The following PPP1R1C variants were observed in gnomAD, a reference collection of about 807,000 sequenced individuals.
PPP1R1C encodes protein phosphatase 1 regulatory subunit 1C.
PPP1R1C carries 15 observed loss-of-function variants against 17.4 expected under a neutral mutation model. That is an observed-to-expected ratio of 0.86 (90% CI 0.58 to 1.33). PPP1R1C has a LOEUF of 1.33. Ranked by LOEUF, PPP1R1C falls within the 40% of genes most tolerant of loss-of-function variation. The pLI is 0.00. For missense variants in PPP1R1C, 143 were observed against 130.0 expected, an observed-to-expected ratio of 1.10 and a Z score of -0.48; for synonymous variants, 35 against 43.1, an observed-to-expected ratio of 0.81 and a Z score of 0.73.
downstream of PPP1R1C, among the ~76,000 whole-genome samples, chr2:182,118,984 G>A (rs1348747275): frequency 7.3e-5 from 11 of 151,358 alleles, no homozygotes; most frequent in African/African-American, 1.7e-4. Flanking sequence ...TACATGTGCC[G>A]TGTTGGTGTG....
intron 2 of PPP1R1C, among the ~76,000 whole-genome samples, chr2:181,996,633 G>A (rs1685619591): frequency 6.6e-6 from 1 of 152,156 alleles, no homozygotes; most frequent in Non-Finnish European, 1.5e-5. Context: ...ATTACAATTT[G>A]ACCTTGGTAA....
intron 4 of PPP1R1C, among the ~76,000 whole-genome samples, chr2:182,069,130 T>G (rs908207014): frequency 1.3e-5 from 2 of 152,186 alleles, no homozygotes; most frequent in African/African-American, 2.4e-5. Flanking sequence ...TCATCACATT[T>G]TCCTTTCTAA....
intron 2 of PPP1R1C, among the ~76,000 whole-genome samples, chr2:182,051,668 A>G (rs1009863091): frequency 2.0e-5 from 3 of 152,088 alleles, no homozygotes; most frequent in African/African-American, 4.8e-5. Context: ...ATTAGACAAC[A>G]CTTCTTAATC....
chr2:181,994,295 G>C (rs905576106), intron 2 of PPP1R1C, among the ~76,000 whole-genome samples: 1 of 151,914 alleles, frequency 6.6e-6, no homozygotes, highest in African/African-American at 2.4e-5. Flanking sequence ...CCAACAGTAT[G>C]TAGAAAGAAA....
intron 1 of PPP1R1C, among the ~76,000 whole-genome samples, chr2:181,969,405 A>G (rs1291469515): frequency 6.6e-6 from 1 of 152,062 alleles, no homozygotes; most frequent in Non-Finnish European, 1.5e-5. Context: ...TTAGCACTTT[A>G]TATATGTCAC....
chr2:182,014,148 T>C (rs1472943542), intron 2 of PPP1R1C, among the ~76,000 whole-genome samples: 1 of 152,180 alleles, frequency 6.6e-6, no homozygotes, highest in Non-Finnish European at 1.5e-5. Context: ...GTGGTCTTTA[T>C]AGTCTAACCT....
At chr2:182,117,934 A>C (rs1461726330), downstream of PPP1R1C, 1 of 152,154 alleles carries the variant, frequency 6.6e-6, no homozygotes, top group East Asian at 1.9e-4. Flanking sequence ...TTCATTTTCT[A>C]AGCTGCAAGA....
chr2:181,988,718 A>G (rs1345629285), intron 2 of PPP1R1C, among the ~76,000 whole-genome samples: 1 of 152,210 alleles, frequency 6.6e-6, no homozygotes, highest in Non-Finnish European at 1.5e-5. Context: ...TATGTCTAAT[A>G]ATAGACTGTA....
chr2:181,972,278 A>G (rs1685023780), intron 1 of PPP1R1C, among the ~76,000 whole-genome samples: 1 of 152,236 alleles, frequency 6.6e-6, no homozygotes, highest in South Asian at 2.1e-4. Flanking sequence ...TATAAAGCTT[A>G]CTAAAGAATA....
chr2:181,996,294 A>G (rs1451430686), intron 2 of PPP1R1C, among the ~76,000 whole-genome samples: 1 of 152,124 alleles, frequency 6.6e-6, no homozygotes, highest in Non-Finnish European at 1.5e-5. Context: ...GGTGGAGGGA[A>G]AGGCATGTCC....
In PPP1R1C at chr2:182,064,142, C is replaced by G. The variant is rs530829906; in HGVS notation, c.241+351C>G. ...GTGTTGGCAGATGATTACTGTTTTT[C>G]TCTTGGCTAAAGCAAAGCAGAATAA... is the stretch of plus-strand genomic sequence containing the variant. On this transcript the variant is annotated intron_variant, in intron 4 of 4. Coordinates refer to ENST00000682840, the MANE Select transcript of PPP1R1C (RefSeq NM_001080545.3). The G allele has an allele frequency of 2.8e-5, 7 of 254,234 alleles. No individual in the cohort carries two copies. The South Asian group carries it at 5.2e-4, about 19-fold the overall frequency. The allele number at this position is 254,234 out of a possible 1,614,324, so 15.7% of individuals were successfully genotyped here.
At chr2:182,007,620 G>A (rs1030061069) in intron 2 of PPP1R1C, among the ~76,000 whole-genome samples, 10 of 152,298 alleles carry the variant, frequency 6.6e-5, no homozygotes, top group Non-Finnish European at 7.4e-5. Context: ...ACCTTAGTAA[G>A]GCAATTTGTC....
At position 182,014,452 on chromosome 2, in the gene PPP1R1C, G is replaced by A. The variant is rs530019147; in HGVS notation, c.142+26553G>A. ...TAGAACTCTGGGAGAAGTGATGCAG[G>A]CGTCGTGTGGCCACCACTGGGACTG... On this transcript the variant is annotated intron_variant, in intron 2 of 4. Coordinates refer to ENST00000682840, the MANE Select transcript of PPP1R1C (RefSeq NM_001080545.3). Among the ~76,000 whole-genome samples, 8 of 150,286 alleles carry A rather than the reference G, an allele frequency of 5.3e-5. No homozygotes were observed. In the South Asian group the frequency reaches 1.7e-3, roughly 32 times the overall value.
intron 2 of PPP1R1C, among the ~76,000 whole-genome samples, chr2:182,059,667 T>G (rs1041436225): frequency 6.6e-6 from 1 of 152,098 alleles, no homozygotes; most frequent in African/African-American, 2.4e-5. Flanking sequence ...CTGAATTTTT[T>G]TAATCCTTGC....
At chr2:181,963,400 G>C (rs1684844568) in intron 1 of PPP1R1C, among the ~76,000 whole-genome samples, 2 of 152,174 alleles carry the variant, frequency 1.3e-5, no homozygotes, top group African/African-American at 2.4e-5. Flanking sequence ...CAGCACTTTG[G>C]GGGGCCGAAG....
chr2:182,085,634 C>CT (rs1688606344), intron 4 of PPP1R1C, among the ~76,000 whole-genome samples: 2 of 152,096 alleles, frequency 1.3e-5, no homozygotes, highest in Admixed American at 6.5e-5. Flanking sequence ...AAAACAAACC[C>CT]TAAAGAATTT....
intron 1 of PPP1R1C, among the ~76,000 whole-genome samples, chr2:181,956,047 C>T (rs1385317441): frequency 6.6e-6 from 1 of 152,144 alleles, no homozygotes; most frequent in Non-Finnish European, 1.5e-5. Context: ...CCCCACCTCC[C>T]CGCCGCCACC....
intron 2 of PPP1R1C, among the ~76,000 whole-genome samples, chr2:182,008,219 A>T (rs1685987868): frequency 6.6e-6 from 1 of 152,210 alleles, no homozygotes; most frequent in Non-Finnish European, 1.5e-5. Flanking sequence ...GGTCATTGCC[A>T]ATGCCTTTGG....
chr2:182,053,146 C>G (rs1036989729), intron 2 of PPP1R1C, among the ~76,000 whole-genome samples: 6 of 152,122 alleles, frequency 3.9e-5, no homozygotes, highest in Admixed American at 1.3e-4. Context: ...AAAAACAAAC[C>G]AATTCTGCTC....
Sources: allele counts gnomAD v4.1 joint callset (sites outside exome capture counted in the v4.1 genomes callset), GRCh38; gene constraint gnomAD v4.1.1; transcripts MANE v1.5; gene names NCBI Gene and HGNC (gene_info 2026-07-23, HGNC 2026-07-21).